STX8: variants seen among roughly 807,000 people sequenced by gnomAD.
The protein encoded by STX8 is syntaxin-8.
A neutral mutation model predicts 37.5 loss-of-function variants in STX8; 23 were observed. The observed-to-expected ratio is 0.61, with a 90% CI of 0.44 to 0.87. STX8 has a LOEUF of 0.87. Among genes scored for constraint, STX8 ranks in the 40% least tolerant of loss-of-function variants. The pLI is 0.00. For synonymous variants in STX8, 115 were observed against 99.1 expected, an observed-to-expected ratio of 1.16 and a Z score of -0.95; for missense variants, 313 against 284.7, an observed-to-expected ratio of 1.10 and a Z score of -0.71.
intron 7 of STX8, among the ~76,000 whole-genome samples, chr17:9,255,073 A>G (rs907713596): frequency 3.3e-5 from 5 of 152,226 alleles, no homozygotes; most frequent in African/African-American, 1.2e-4. Context: ...GAAGAGCTGC[A>G]GAGACCTTTC....
intron 4 of STX8, 128 bp downstream of exon 4, chr17:9,545,044 G>C: frequency 3.2e-6 from 2 of 634,716 alleles, no homozygotes; most frequent in Non-Finnish European, 5.5e-6. Context: ...GAAAATTATA[G>C]TCAAACACCA....
At position 9,404,524 on chromosome 17, in the gene STX8, A is replaced by G. The variant is rs572427214; in HGVS notation, c.542-25871T>C. On this transcript the variant is annotated intron_variant, in intron 6 of 7. Coordinates refer to ENST00000306357, the MANE Select transcript of STX8 (RefSeq NM_004853.3). ...CGCTGGAGTGCAGTGGCGTGATCTC[A>G]GCTCACTGCAACCTCTGACTCCCAG... Among the ~76,000 whole-genome samples, 4 of 151,864 alleles carry G rather than the reference A, an allele frequency of 2.6e-5. No individual in the cohort carries two copies. In the East Asian group the frequency reaches 7.7e-4, roughly 29 times the overall value.
intron 7 of STX8, among the ~76,000 whole-genome samples, chr17:9,309,956 G>T (rs1441246500): frequency 6.6e-6 from 1 of 152,064 alleles, no homozygotes; most frequent in Admixed American, 6.6e-5. Flanking sequence ...TACTCTCTAA[G>T]AAGTATTTCC....
chr17:9,267,116 T>C (rs1907258205), intron 7 of STX8, among the ~76,000 whole-genome samples: 1 of 152,182 alleles, frequency 6.6e-6, no homozygotes, highest in Non-Finnish European at 1.5e-5. Context: ...AGGGTTTCCC[T>C]CTTTGGAAGC....
At chr17:9,314,523 G>A (rs1400303630) in intron 7 of STX8, among the ~76,000 whole-genome samples, 3 of 150,834 alleles carry the variant, frequency 2.0e-5, no homozygotes, top group Non-Finnish European at 4.4e-5. Flanking sequence ...TCAGCCTCCC[G>A]AGTAACTGGG....
intron 7 of STX8, among the ~76,000 whole-genome samples, chr17:9,315,848 C>T (rs1909366008): frequency 1.3e-5 from 2 of 151,876 alleles, no homozygotes; most frequent in South Asian, 4.2e-4. Flanking sequence ...GCTGTCTCTA[C>T]TAAAATACAA....
intron 1 of STX8, among the ~76,000 whole-genome samples, chr17:9,574,529 T>G (rs1331833149): frequency 2.0e-5 from 2 of 97,994 alleles, no homozygotes; most frequent in African/African-American, 3.2e-5. Flanking sequence ...AATTAGGGAT[T>G]TTGGGGTTTT....
chr17:9,427,731 C>G (rs1826858236), intron 6 of STX8, among the ~76,000 whole-genome samples: 2 of 152,142 alleles, frequency 1.3e-5, no homozygotes, highest in Non-Finnish European at 2.9e-5. Flanking sequence ...AAGGTGGACA[C>G]AGAGGGAAGA....
intron 7 of STX8, among the ~76,000 whole-genome samples, chr17:9,311,395 C>A (rs948749122): frequency 2.6e-5 from 4 of 152,004 alleles, no homozygotes; most frequent in Non-Finnish European, 5.9e-5. Flanking sequence ...GAAAGTAAGA[C>A]AGAAAGAAAC....
intron 4 of STX8, among the ~76,000 whole-genome samples, chr17:9,529,152 C>T (rs1011624200): frequency 1.4e-5 from 2 of 145,124 alleles, no homozygotes; most frequent in Non-Finnish European, 3.0e-5. Context: ...GGGAGAAAAA[C>T]CCTAACTTTT....
intron 2 of STX8, among the ~76,000 whole-genome samples, chr17:9,565,139 C>G (rs1907402912): frequency 6.6e-6 from 1 of 152,192 alleles, no homozygotes; most frequent in South Asian, 2.1e-4. Flanking sequence ...ACCCGAGAGG[C>G]AGAGGTTGCA....
At chr17:9,506,405 G>C (rs559415596) in intron 4 of STX8, among the ~76,000 whole-genome samples, 97 of 8,854 alleles carry the variant, frequency 0.011, no homozygotes, top group South Asian at 0.019. Context: ...GTGCTCACCC[G>C]CTCCCCCCCC....
chr17:9,448,451 T>G (rs891298967), intron 6 of STX8, among the ~76,000 whole-genome samples: 1 of 152,198 alleles, frequency 6.6e-6, no homozygotes, highest in Non-Finnish European at 1.5e-5. Flanking sequence ...ATTTCTGTTG[T>G]TGCTTGTTGT....
chr17:9,399,595 G>A (rs898525923), intron 6 of STX8, among the ~76,000 whole-genome samples: 3 of 152,146 alleles, frequency 2.0e-5, no homozygotes, highest in South Asian at 2.1e-4. Flanking sequence ...GCCGGGTGCG[G>A]TGGCTCACAC....
chr17:9,269,664 G>C (rs953806220), intron 7 of STX8, among the ~76,000 whole-genome samples: 5 of 152,248 alleles, frequency 3.3e-5, no homozygotes, highest in Non-Finnish European at 5.9e-5. Context: ...TGGTCTGTCA[G>C]AGATTTCAGA....
intron 7 of STX8, among the ~76,000 whole-genome samples, chr17:9,266,571 C>A (rs551307060): frequency 6.6e-6 from 1 of 152,086 alleles, no homozygotes; most frequent in African/African-American, 2.4e-5. Flanking sequence ...AGTAGACACA[C>A]GATGTCACCA....
intron 6 of STX8, among the ~76,000 whole-genome samples, chr17:9,476,111 G>A (rs150461852): frequency 1.3e-5 from 2 of 152,314 alleles, no homozygotes; most frequent in South Asian, 2.1e-4. Context: ...GCCGGGGGGC[G>A]GAGGTTGCAG....
chr17:9,475,170 A>G (rs1479107914), intron 6 of STX8, among the ~76,000 whole-genome samples: 1 of 152,314 alleles, frequency 6.6e-6, no homozygotes, highest in East Asian at 1.9e-4. Context: ...CAGTCAAGCT[A>G]TTTTTGAAAG....
At chr17:9,527,542 CTTCT>C (rs1309971245) in intron 4 of STX8, among the ~76,000 whole-genome samples, 10 of 152,172 alleles carry the variant, frequency 6.6e-5, no homozygotes, top group Admixed American at 3.3e-4. Context: ...TGGAGTTTTC[CTTCT>C]TTTTCAATTC....
Sources: allele counts gnomAD v4.1 joint callset (sites outside exome capture counted in the v4.1 genomes callset), GRCh38; gene constraint gnomAD v4.1.1; transcripts MANE v1.5; gene names NCBI Gene and HGNC (gene_info 2026-07-23, HGNC 2026-07-21).